GRM5: variants seen among roughly 807,000 people sequenced by gnomAD.
GRM5 encodes the protein metabotropic glutamate receptor 5.
Under a neutral mutation model 83.1 loss-of-function variants are expected in GRM5, and 19 were observed. The observed-to-expected ratio is 0.23, with a 90% CI of 0.16 to 0.34. The LOEUF is 0.34. Among genes scored for constraint, GRM5 ranks in the 10% least tolerant of loss-of-function variants. The pLI, the probability that GRM5 is intolerant of heterozygous loss-of-function variation, is 1.00. For synonymous variants in GRM5, 675 were observed against 633.6 expected (o/e 1.07, Z -0.98); for missense variants, 1,160 against 1,588.3 (o/e 0.73, Z 4.58).
At chr11:88,795,664 C>T (rs534390103) in intron 3 of GRM5, among the ~76,000 whole-genome samples, 1 of 152,272 alleles carries the variant, frequency 6.6e-6, no homozygotes, top group African/African-American at 2.4e-5. Context: ...ATTATTAGCA[C>T]TCTCCATTTT....
At chr11:89,033,278 T>C (rs1455703937) in intron 2 of GRM5, among the ~76,000 whole-genome samples, 4 of 151,394 alleles carry the variant, frequency 2.6e-5, no homozygotes, top group African/African-American at 9.8e-5. Context: ...GAAAATAAAA[T>C]ATGGTTTCCA....
rs989983946 is a variant in GRM5 at position 88,813,774 on chromosome 11, T to A, written c.911+36132A>T. On this transcript the variant is annotated intron_variant, in intron 3 of 9. Transcript: ENST00000305447. ...TACATATAACATATAAAGATTCATA[T>A]AAAATGTTGAATCATCTGGAGAATT... Among the ~76,000 whole-genome samples the A allele has an allele frequency of 2.6e-5, 4 of 152,288 alleles. No homozygotes were observed. In the East Asian group the frequency reaches 7.7e-4, roughly 29 times the overall value.
intron 8 of GRM5, among the ~76,000 whole-genome samples, chr11:88,551,057 G>A (rs564112604): frequency 6.9e-4 from 105 of 152,000 alleles, no homozygotes; most frequent in Non-Finnish European, 9.4e-4. Flanking sequence ...GGTATTGACA[G>A]TAGTACCTGC....
chr11:89,047,016 GC>G lies in GRM5; in HGVS notation c.661+195del, dbSNP rs1404301146. Among the ~76,000 whole-genome samples, 10 of 152,152 alleles carry G rather than the reference GC, an allele frequency of 6.6e-5. No homozygotes were observed. Among genetic ancestry groups the G allele is most frequent in the African/African-American group, 2.4e-4 (10 of 41,510 alleles). ...CAAAATTATATTTCACCAAATATTG[GC>G]CACATACACCCTTCTGTAGTTTAAG... On this transcript the variant is annotated intron_variant, in intron 2 of 9. Coordinates refer to ENST00000305447, the MANE Select transcript of GRM5 (RefSeq NM_001143831.3). The surrounding 1 kb of genome is among the most constrained non-coding windows in gnomAD (Gnocchi z 5.1).
intron 2 of GRM5, among the ~76,000 whole-genome samples, chr11:88,993,534 C>G (rs1448562349): frequency 6.6e-6 from 1 of 152,076 alleles, no homozygotes; most frequent in Non-Finnish European, 1.5e-5. Context: ...AATGTGATGC[C>G]TCCAGCTTTG....
chr11:88,819,846 C>T (rs1238094772), intron 3 of GRM5, among the ~76,000 whole-genome samples: 3 of 152,014 alleles, frequency 2.0e-5, no homozygotes, highest in Non-Finnish European at 2.9e-5. Flanking sequence ...CCCATGTTGG[C>T]AGACAAAAAG....
chr11:88,592,493 C>T (rs1295007838), intron 6 of GRM5, among the ~76,000 whole-genome samples: 2 of 152,138 alleles, frequency 1.3e-5, no homozygotes, highest in African/African-American at 2.4e-5. Context: ...TCTTTCAGAA[C>T]TTAGCAGGGA....
chr11:88,858,777 A>G (rs1944515668), intron 2 of GRM5, among the ~76,000 whole-genome samples: 1 of 152,030 alleles, frequency 6.6e-6, no homozygotes, highest in Non-Finnish European at 1.5e-5. Flanking sequence ...TTGGAAAGAA[A>G]TTTTTAAATT....
chr11:88,929,147 A>G (rs532201156), intron 2 of GRM5, among the ~76,000 whole-genome samples: 9 of 152,224 alleles, frequency 5.9e-5, no homozygotes, highest in Admixed American at 5.2e-4. Context: ...AGAGCCTACA[A>G]TCTACCTCTG....
At chr11:88,903,999 G>A (rs942975569) in intron 2 of GRM5, among the ~76,000 whole-genome samples, 1 of 152,162 alleles carries the variant, frequency 6.6e-6, no homozygotes, top group African/African-American at 2.4e-5. Context: ...ATAGCATTAT[G>A]AAACGAATTG....
At chr11:88,952,125 A>C (rs7117581) in intron 2 of GRM5, among the ~76,000 whole-genome samples, 8,478 of 151,178 alleles carry the variant, frequency 0.056, 784 homozygotes, top group African/African-American at 0.19. Context: ...CATACAAACA[A>C]ACACACACAC....
At chr11:88,751,217 A>C (rs553779265) in intron 3 of GRM5, among the ~76,000 whole-genome samples, 17 of 152,112 alleles carry the variant, frequency 1.1e-4, no homozygotes, top group African/African-American at 4.1e-4. Flanking sequence ...AGCTAGATTA[A>C]AAAGAAGGAA....
chr11:89,038,771 A>G (rs1420249486), intron 2 of GRM5, among the ~76,000 whole-genome samples: 1 of 152,202 alleles, frequency 6.6e-6, no homozygotes, highest in African/African-American at 2.4e-5. Flanking sequence ...TGTCCATCCT[A>G]CTTTTCCTTG....
At chr11:88,728,540 C>A (rs1481746201) in intron 3 of GRM5, among the ~76,000 whole-genome samples, 1 of 152,152 alleles carries the variant, frequency 6.6e-6, no homozygotes, top group East Asian at 1.9e-4. Context: ...CAGCATCATC[C>A]TGATACCAAA....
At chr11:88,989,065 C>A (rs961933166) in intron 2 of GRM5, among the ~76,000 whole-genome samples, 1 of 151,490 alleles carries the variant, frequency 6.6e-6, no homozygotes, top group Non-Finnish European at 1.5e-5. Flanking sequence ...CACAGACTGA[C>A]AAATTGGATG....
chr11:88,968,205 C>T (rs1939051412), intron 2 of GRM5, among the ~76,000 whole-genome samples: 1 of 152,122 alleles, frequency 6.6e-6, no homozygotes, highest in Admixed American at 6.6e-5. Context: ...AAAATTAATA[C>T]AGTATGTTAC....
intron 3 of GRM5, among the ~76,000 whole-genome samples, chr11:88,800,054 C>G (rs1349146890): frequency 6.6e-6 from 1 of 151,914 alleles, no homozygotes; most frequent in Non-Finnish European, 1.5e-5. Flanking sequence ...CTGAAACAGC[C>G]CCACAGGGAG....
chr11:88,642,425 G>A (rs1409483122), intron 4 of GRM5, among the ~76,000 whole-genome samples: 2 of 152,094 alleles, frequency 1.3e-5, no homozygotes, highest in South Asian at 2.1e-4. Flanking sequence ...ATAGCACTTG[G>A]TTCCCTTTTA....
At chr11:88,874,086 G>C (rs576762790) in intron 2 of GRM5, among the ~76,000 whole-genome samples, 2 of 151,624 alleles carry the variant, frequency 1.3e-5, no homozygotes, top group South Asian at 2.1e-4. Context: ...ATTCAGAAAG[G>C]AAAGTTCAAC....
Sources: gnomAD v4.1 joint callset for allele counts (sites outside exome capture counted in the v4.1 genomes callset) on GRCh38, gnomAD v4.1.1 for gene constraint, Gnocchi (gnomAD v3.1) non-coding constraint, MANE v1.5 for transcripts, NCBI Gene and HGNC (gene_info 2026-07-23, HGNC 2026-07-21) for gene names.